Variants in SPON1 observed in about 807,000 individuals in gnomAD.
SPON1 encodes the protein spondin 1, also known as spondin-1.
Under a neutral mutation model 111.7 loss-of-function variants are expected in SPON1, and 52 were observed. That is an observed-to-expected ratio of 0.47 (90% CI 0.37 to 0.59). The LOEUF (loss-of-function observed/expected upper bound fraction) is 0.59, where lower values mean the gene tolerates loss of function less well. Ranked by LOEUF, SPON1 falls within the 20% of genes least tolerant of loss-of-function variation. The pLI, the probability that SPON1 is intolerant of heterozygous loss-of-function variation, is 0.00. For missense variants in SPON1, 957 were observed against 1,068.5 expected (o/e 0.90, Z 1.46); for synonymous variants, 410 against 395.8 (o/e 1.04, Z -0.43).
chr11:14,023,898 A>T (rs1242199261), intron 2 of SPON1, among the ~76,000 whole-genome samples: 3 of 151,558 alleles, frequency 2.0e-5, no homozygotes, highest in African/African-American at 7.3e-5. Context: ...GCTACTTGGG[A>T]GGCTGAGGCA....
At chr11:14,144,242 C>G (rs539820082) in intron 6 of SPON1, among the ~76,000 whole-genome samples, 1 of 152,102 alleles carries the variant, frequency 6.6e-6, no homozygotes, top group South Asian at 2.1e-4. Context: ...TTCGGTTTTA[C>G]TGGGTGGGAA....
chr11:14,157,642 C>A (rs1847864643), intron 6 of SPON1, among the ~76,000 whole-genome samples: 1 of 152,096 alleles, frequency 6.6e-6, no homozygotes, highest in Non-Finnish European at 1.5e-5. Flanking sequence ...ATTCTTTCTC[C>A]TTTCCTTCTG....
rs1554921319 is a variant in SPON1 at position 14,075,350 on chromosome 11, G to A, written c.485G>A (p.Ser162Asn). ...AGTGCVILKA[S>N]IVQKRIIYFQ... Reference sequence around the variant, plus strand: ...TGGGTCTTCTTTCTTCACAGGGCCAGCATCGTACAAAAACGCATTATTTAT... The same window carrying A: ...TGGGTCTTCTTTCTTCACAGGGCCAACATCGTACAAAAACGCATTATTTAT... The change falls in exon 4 of 16, where the codon AGC (serine) becomes AAC (asparagine). Residue 162 changes from serine to asparagine, a missense_variant. Coordinates refer to ENST00000576479, the MANE Select transcript of SPON1 (RefSeq NM_006108.4). 1.3e-6 allele frequency: 2 copies of A among 1,557,710 alleles called. No individual in the cohort carries two copies. The highest frequency in any genetic ancestry group is 4.8e-5 in the East Asian group (2 of 41,862).
intron 5 of SPON1, among the ~76,000 whole-genome samples, chr11:14,084,143 TTTAAC>T (rs1252131312): frequency 1.3e-5 from 2 of 152,118 alleles, no homozygotes; most frequent in African/African-American, 4.8e-5. Context: ...TCTTTTTTTT[TTTAAC>T]TTTAAGTTCT....
At chr11:14,014,356 A>G (rs1270841139) in intron 2 of SPON1, among the ~76,000 whole-genome samples, 1 of 152,202 alleles carries the variant, frequency 6.6e-6, no homozygotes, top group African/African-American at 2.4e-5. Flanking sequence ...ACATTGTAGC[A>G]TTTTACAAGT....
At chr11:14,160,831 ATATT>A (rs1189604842) in intron 6 of SPON1, among the ~76,000 whole-genome samples, 3 of 50,512 alleles carry the variant, frequency 5.9e-5, no homozygotes, top group African/African-American at 1.6e-4. Flanking sequence ...TATTTTATAT[ATATT>A]TATATATTTA....
chr11:14,049,770 T>C (rs1848694978), intron 3 of SPON1, among the ~76,000 whole-genome samples: 1 of 152,182 alleles, frequency 6.6e-6, no homozygotes, highest in Admixed American at 6.5e-5. Context: ...TCATAACTCA[T>C]TTAGGGCCAA....
intron 6 of SPON1, among the ~76,000 whole-genome samples, chr11:14,201,915 CA>C (rs1554935671): frequency 6.6e-6 from 1 of 152,030 alleles, no homozygotes; most frequent in Non-Finnish European, 1.5e-5. Context: ...ATGGAGAAGT[CA>C]TTTTTTTTCC....
chr11:14,123,114 G>A (rs1367941626), intron 5 of SPON1, among the ~76,000 whole-genome samples: 5 of 151,706 alleles, frequency 3.3e-5, no homozygotes, highest in Admixed American at 2.6e-4. Context: ...AAAAAATTTT[G>A]TAGAGATGAG....
At chr11:14,151,287 A>C (rs1160135153) in intron 6 of SPON1, among the ~76,000 whole-genome samples, 7 of 152,170 alleles carry the variant, frequency 4.6e-5, no homozygotes, top group African/African-American at 1.7e-4. Context: ...ATAGAAACCA[A>C]AGCAGTCCAC....
rs371673424 is a variant in SPON1, at chr11:14,007,972, T to C, written c.345+25019T>C. 9.2e-5 allele frequency among the ~76,000 whole-genome samples: 14 copies of C among 152,308 alleles called. No individual in the cohort carries two copies. The East Asian group carries it at 2.3e-3, about 25-fold the overall frequency. ...TTTAAGGCTTCCAGATAGTCTAGAA[T>C]AAACATCTCCTCTCAAGATCCTTAA... On this transcript the variant is annotated intron_variant, in intron 2 of 15. Coordinates refer to ENST00000576479, the MANE Select transcript of SPON1 (RefSeq NM_006108.4).
At chr11:14,223,925 C>T (rs913169932) in intron 6 of SPON1, among the ~76,000 whole-genome samples, 1 of 152,192 alleles carries the variant, frequency 6.6e-6, no homozygotes, top group Non-Finnish European at 1.5e-5. Flanking sequence ...ATGACGGGCT[C>T]TTTTATCTGG....
intron 5 of SPON1, among the ~76,000 whole-genome samples, chr11:14,116,767 T>C (rs543796696): frequency 6.6e-6 from 1 of 152,166 alleles, no homozygotes; most frequent in Non-Finnish European, 1.5e-5. Flanking sequence ...AACCTGTTAT[T>C]GAGACTGTTT....
intron 1 of SPON1, among the ~76,000 whole-genome samples, chr11:13,982,618 T>C (rs928728403): frequency 2.6e-5 from 4 of 152,100 alleles, no homozygotes; most frequent in African/African-American, 9.7e-5. Flanking sequence ...GGGTCAAGAA[T>C]CCCCAAGTAA....
intron 6 of SPON1, among the ~76,000 whole-genome samples, chr11:14,161,327 A>C (rs1334668561): frequency 7.3e-6 from 1 of 137,462 alleles, no homozygotes; most frequent in African/African-American, 2.7e-5. Context: ...CTATATATTT[A>C]TATATATATA....
At chr11:14,248,734 C>T (rs1554940438) in intron 7 of SPON1, among the ~76,000 whole-genome samples, 2 of 152,266 alleles carry the variant, frequency 1.3e-5, no homozygotes, top group South Asian at 2.1e-4. Flanking sequence ...CCTCCCTCGC[C>T]GCCCAGTGGA....
At chr11:14,199,371 G>A (rs1015332852) in intron 6 of SPON1, among the ~76,000 whole-genome samples, 2 of 151,594 alleles carry the variant, frequency 1.3e-5, no homozygotes, top group Non-Finnish European at 2.9e-5. Context: ...GAGTCACCCA[G>A]ACCACTCCTT....
At chr11:14,061,136 CTG>C (rs781964715) in intron 3 of SPON1, among the ~76,000 whole-genome samples, 16 of 152,310 alleles carry the variant, frequency 1.1e-4, no homozygotes, top group Non-Finnish European at 2.1e-4. Context: ...GGACAGAAAA[CTG>C]ATGCTCAGGG....
intron 6 of SPON1, among the ~76,000 whole-genome samples, chr11:14,198,109 A>G (rs1848422718): frequency 6.6e-6 from 1 of 152,256 alleles, no homozygotes; most frequent in Non-Finnish European, 1.5e-5. Flanking sequence ...ATGGTGGGGC[A>G]TCCCATCTGG....
Sources: allele counts gnomAD v4.1 joint callset (sites outside exome capture counted in the v4.1 genomes callset), GRCh38; gene constraint gnomAD v4.1.1; transcripts MANE v1.5; gene names NCBI Gene and HGNC (gene_info 2026-07-23, HGNC 2026-07-21).